PCDH15: variants seen among roughly 807,000 people sequenced by gnomAD.
PCDH15 encodes protocadherin related 15.
In PCDH15, 129 loss-of-function variants were observed where a neutral mutation model predicts 178.5. That is an observed-to-expected ratio of 0.72 (90% confidence interval 0.63 to 0.84). PCDH15 has a LOEUF of 0.84. Among genes scored for constraint, PCDH15 ranks in the 40% least tolerant of loss-of-function variants. PCDH15 has a pLI of 0.00. For synonymous variants in PCDH15, 800 were observed against 732.0 expected, an observed-to-expected ratio of 1.09 and a Z score of -1.50; for missense variants, 2,230 against 2,099.9, an observed-to-expected ratio of 1.06 and a Z score of -1.21.
At chr10:53,946,545 T>C (rs929691673) in intron 23 of PCDH15, among the ~76,000 whole-genome samples, 5 of 152,214 alleles carry the variant, frequency 3.3e-5, no homozygotes, top group Admixed American at 3.3e-4. Context: ...TTCCTCTATG[T>C]CTTTTTGTAT....
At chr10:54,642,439 T>A (rs552966308) in intron 2 of PCDH15, among the ~76,000 whole-genome samples, 51 of 152,328 alleles carry the variant, frequency 3.3e-4, no homozygotes, top group African/African-American at 1.2e-3. Flanking sequence ...CTTCTGGTCA[T>A]GGAGGCTTAT....
chr10:55,084,676 C>T (rs1444985505), intron 2 of PCDH15, among the ~76,000 whole-genome samples: 1 of 151,858 alleles, frequency 6.6e-6, no homozygotes, highest in Non-Finnish European at 1.5e-5. Context: ...AACTATCCAT[C>T]TAACAAGGGA....
At chr10:54,233,331 T>C (rs11004154) in intron 9 of PCDH15, among the ~76,000 whole-genome samples, 8,315 of 152,292 alleles carry the variant, frequency 0.055, 562 homozygotes, top group African/African-American at 0.17. Flanking sequence ...TTAAAATACA[T>C]GTTACAAAGT....
chr10:55,207,100 A>G (rs1840423142), intron 1 of PCDH15, among the ~76,000 whole-genome samples: 1 of 152,100 alleles, frequency 6.6e-6, no homozygotes, highest in South Asian at 2.1e-4. Flanking sequence ...TAAGCACCTC[A>G]GAGACTCTTT....
chr10:55,418,453 A>G (rs1838537876), intron 2 of PCDH15, among the ~76,000 whole-genome samples: 2 of 151,754 alleles, frequency 1.3e-5, no homozygotes, highest in African/African-American at 4.8e-5. Flanking sequence ...TAGGGACAAA[A>G]TTATACTCTA....
chr10:54,522,087 C>CAA (rs11313978), intron 3 of PCDH15, among the ~76,000 whole-genome samples: 1,308 of 57,332 alleles, frequency 0.023, 38 homozygotes, highest in African/African-American at 0.058. Context: ...GAATCCATCT[C>CAA]AAAAAAAAAA....
chr10:54,257,725 A>C (rs2057023799), intron 8 of PCDH15, among the ~76,000 whole-genome samples: 1 of 152,116 alleles, frequency 6.6e-6, no homozygotes, highest in African/African-American at 2.4e-5. Context: ...CTTTCAGTAT[A>C]TTCTAGAAAT....
At chr10:54,367,126 T>C (rs1208278460) in intron 5 of PCDH15, among the ~76,000 whole-genome samples, 1 of 151,964 alleles carries the variant, frequency 6.6e-6, no homozygotes, top group Non-Finnish European at 1.5e-5. Flanking sequence ...CTAGGCAAAA[T>C]GAACAGTGTG....
intron 2 of PCDH15, among the ~76,000 whole-genome samples, chr10:55,593,565 AT>A (rs1463054698): frequency 6.6e-5 from 10 of 152,018 alleles, no homozygotes; most frequent in African/African-American, 2.2e-4. Context: ...TATAAAAGGA[AT>A]TTATTGTATA....
intron 1 of PCDH15, among the ~76,000 whole-genome samples, chr10:55,264,915 G>T (rs1842241112): frequency 6.6e-6 from 1 of 152,048 alleles, no homozygotes; most frequent in Non-Finnish European, 1.5e-5. Context: ...AGGCAATCCA[G>T]ACCTTTGCCA....
chr10:55,218,563 A>G lies in PCDH15; in HGVS notation c.-155-51912T>C, dbSNP rs142492901. ...AAGCTGATTAAAGTGCAAGCAATAC[A>G]TGTGGAGCACTTGATCTACAGTTAT... is the stretch of plus-strand genomic sequence containing the variant. On this transcript the variant is annotated intron_variant, in intron 1 of 5. Transcript: ENST00000458638. Among the ~76,000 whole-genome samples the G allele has an allele frequency of 4.7e-3, 709 of 152,166 alleles. 8 individuals are homozygous for G. The highest frequency in any genetic ancestry group is 0.016 in the African/African-American group (652 of 41,486).
intron 1 of PCDH15, among the ~76,000 whole-genome samples, chr10:54,780,376 A>T (rs375824942): frequency 1.3e-5 from 2 of 152,192 alleles, no homozygotes; most frequent in Non-Finnish European, 2.9e-5. Flanking sequence ...AGCATTAGCT[A>T]GCTGTGGGTC....
intron 2 of PCDH15, among the ~76,000 whole-genome samples, chr10:55,527,105 T>C (rs571331569): frequency 2.0e-5 from 3 of 152,216 alleles, no homozygotes; most frequent in African/African-American, 7.2e-5. Context: ...TGTTAAAATT[T>C]GCAGCAGCAA....
chr10:54,312,883 C>T (rs566116486), intron 8 of PCDH15, among the ~76,000 whole-genome samples: 14 of 152,110 alleles, frequency 9.2e-5, no homozygotes, highest in African/African-American at 3.1e-4. Context: ...GATAATCTGA[C>T]CAAGTGCCTA....
intron 1 of PCDH15, among the ~76,000 whole-genome samples, chr10:54,729,913 G>T (rs890258821): frequency 5.9e-5 from 9 of 151,518 alleles, no homozygotes; most frequent in Non-Finnish European, 1.0e-4. Flanking sequence ...TCCTGGCAAG[G>T]TTGCAGAGAA....
chr10:54,809,055 A>G (rs370422198), intron 3 of PCDH15, among the ~76,000 whole-genome samples: 66 of 152,220 alleles, frequency 4.3e-4, no homozygotes, highest in African/African-American at 1.4e-3. Flanking sequence ...CTGTGTGGCC[A>G]TAGTAAGAGA....
chr10:54,614,178 T>C (rs1363150762), intron 2 of PCDH15, among the ~76,000 whole-genome samples: 1 of 151,822 alleles, frequency 6.6e-6, no homozygotes, highest in Non-Finnish European at 1.5e-5. Flanking sequence ...AGTATAACAA[T>C]AAAAATCCTA....
At chr10:54,777,978 A>C (rs539388845) in intron 1 of PCDH15, among the ~76,000 whole-genome samples, 1 of 152,332 alleles carries the variant, frequency 6.6e-6, no homozygotes, top group Admixed American at 6.5e-5. Flanking sequence ...CAAAAGAATA[A>C]AAATCCTGAA....
intron 1 of PCDH15, among the ~76,000 whole-genome samples, chr10:54,713,363 C>A (rs750666884): frequency 5.9e-5 from 9 of 152,012 alleles, no homozygotes; most frequent in Non-Finnish European, 7.4e-5. Context: ...ATACTGTGAA[C>A]AGACGCACGA....
Sources: gnomAD v4.1 joint callset for allele counts (sites outside exome capture counted in the v4.1 genomes callset) on GRCh38, gnomAD v4.1.1 for gene constraint, MANE v1.5 for transcripts, NCBI Gene and HGNC (gene_info 2026-07-23, HGNC 2026-07-21) for gene names.